The following TENM1 variants were observed in gnomAD, a reference collection of about 807,000 sequenced individuals.
TENM1 encodes the protein teneurin-1.
A neutral mutation model predicts 174.8 loss-of-function variants in TENM1; 35 were observed. The ratio of observed to expected loss-of-function variants is 0.20; its 90% CI spans 0.15 to 0.27. The LOEUF is 0.27. Ranked by LOEUF, TENM1 falls within the 10% of genes least tolerant of loss-of-function variation. The probability of loss-of-function intolerance (pLI) is 1.00; values close to 1 mark genes in which losing one functional copy is unlikely to be tolerated. For synonymous variants in TENM1, 781 were observed against 798.7 expected (o/e 0.98, Z 0.37); for missense variants, 1,633 against 2,130.1 (o/e 0.77, Z 4.59).
intron 1 of TENM1, among the ~76,000 whole-genome samples, chrX:124,906,778 A>G (rs2057755813): frequency 8.9e-6 from 1 of 111,998 alleles, no homozygotes; most frequent in Non-Finnish European, 1.9e-5. Flanking sequence ...ATAAACAAAT[A>G]TCAAGATAAT....
chrX:125,131,396 A>C, the TENM1 span, among the ~76,000 whole-genome samples: 1 of 112,219 alleles, frequency 8.9e-6, no homozygotes, highest in Non-Finnish European at 1.9e-5. Flanking sequence ...CTGCTCTACC[A>C]GGTCAAAATT....
chrX:124,610,412 T>C (rs1288552574), intron 11 of TENM1, among the ~76,000 whole-genome samples: 5 of 112,210 alleles, frequency 4.5e-5, no homozygotes, highest in Non-Finnish European at 7.5e-5. Context: ...TTTCACTGCC[T>C]TTGGAATCTA....
the TENM1 span, among the ~76,000 whole-genome samples, chrX:125,152,252 TA>T: frequency 0.032 from 3,135 of 97,577 alleles, 118 homozygotes; most frequent in African/African-American, 0.099. Context: ...TTTGTATTTT[TA>T]AAAAAAAAAA....
intron 6 of TENM1, 69 bp downstream of exon 9, chrX:124,671,614 C>G: frequency 9.6e-7 from 1 of 1,042,848 alleles, no homozygotes; most frequent in Non-Finnish European, 1.3e-6. Flanking sequence ...GTGAAACCAT[C>G]CCAGCTACAG....
At chrX:124,462,839 G>A in intron 22 of TENM1, among the ~76,000 whole-genome samples, 1 of 111,813 alleles carries the variant, frequency 8.9e-6, no homozygotes, top group Non-Finnish European at 1.9e-5. Context: ...AAGCATGCCA[G>A]GAGGCCAAGA....
At chrX:125,121,035 C>T in the TENM1 span, among the ~76,000 whole-genome samples, 13 of 111,522 alleles carry the variant, frequency 1.2e-4, no homozygotes, top group Non-Finnish European at 2.1e-4. Flanking sequence ...AAGCACATTT[C>T]TTAATAGATA....
the TENM1 span, among the ~76,000 whole-genome samples, chrX:125,050,450 T>C: frequency 9.0e-6 from 1 of 110,503 alleles, no homozygotes; most frequent in African/African-American, 3.3e-5. Context: ...CTGAGAATGA[T>C]GGTTTCCAGC....
intron 14 of TENM1, among the ~76,000 whole-genome samples, chrX:124,561,049 C>G (rs1279909046): frequency 9.0e-6 from 1 of 111,336 alleles, no homozygotes; most frequent in African/African-American, 3.3e-5. Flanking sequence ...ATTTAAAATT[C>G]TACCATAAAT....
intron 4 of TENM1, among the ~76,000 whole-genome samples, chrX:124,722,414 C>T (rs780926618): frequency 4.5e-5 from 5 of 111,142 alleles, no homozygotes; most frequent in East Asian, 2.8e-4. Context: ...TGCTTGCCCT[C>T]GGAAATATGA....
At chrX:124,820,038 C>T (rs1034625014) in intron 3 of TENM1, among the ~76,000 whole-genome samples, 7 of 110,626 alleles carry the variant, frequency 6.3e-5, no homozygotes, top group East Asian at 2.9e-4. Flanking sequence ...CCACCTACCT[C>T]GGCCTCCCAA....
chrX:125,048,512 CA>C, the TENM1 span, among the ~76,000 whole-genome samples: 1 of 110,842 alleles, frequency 9.0e-6, no homozygotes, highest in African/African-American at 3.3e-5. Flanking sequence ...ATAGAATATA[CA>C]ATGATGCAAA....
chrX:124,954,133 T>C (rs1481398161), intron 1 of TENM1, among the ~76,000 whole-genome samples: 1 of 112,359 alleles, frequency 8.9e-6, no homozygotes, highest in African/African-American at 3.2e-5. Context: ...TTTCATAAAG[T>C]TAATTTAAGA....
At chrX:124,461,344 A>G (rs910032882) in intron 22 of TENM1, among the ~76,000 whole-genome samples, 1 of 112,023 alleles carries the variant, frequency 8.9e-6, no homozygotes, top group African/African-American at 3.2e-5. Context: ...AGGTCCCTCA[A>G]AAAACTAAAA....
the TENM1 span, among the ~76,000 whole-genome samples, chrX:125,086,115 C>T: frequency 5.4e-5 from 6 of 110,382 alleles, no homozygotes; most frequent in Non-Finnish European, 3.8e-5. Flanking sequence ...TGATTATTTT[C>T]CCCTTTGCTT....
the TENM1 span, among the ~76,000 whole-genome samples, chrX:125,175,756 G>A: frequency 7.3e-5 from 8 of 110,307 alleles, no homozygotes; most frequent in Non-Finnish European, 1.1e-4. Context: ...ATAAGGGGAG[G>A]CGAAAAAGGG....
chrX:125,181,950 A>G, the TENM1 span, among the ~76,000 whole-genome samples: 2 of 112,106 alleles, frequency 1.8e-5, no homozygotes, highest in African/African-American at 6.5e-5. Flanking sequence ...AGTAAACCTC[A>G]GTGTACTAGT....
chrX:124,651,475 G>C, intron 8 of TENM1, among the ~76,000 whole-genome samples: 1 of 111,768 alleles, frequency 8.9e-6, no homozygotes, highest in Admixed American at 9.5e-5. Flanking sequence ...AAGCCCTAAT[G>C]CTTCTAGAAC....
chrX:124,976,800 T>C, the TENM1 span, among the ~76,000 whole-genome samples: 2 of 111,654 alleles, frequency 1.8e-5, no homozygotes, highest in African/African-American at 6.5e-5. Context: ...TGACTTGATG[T>C]TGTTGGGTCA....
At chrX:125,117,972 T>C in the TENM1 span, among the ~76,000 whole-genome samples, 4 of 111,653 alleles carry the variant, frequency 3.6e-5, no homozygotes, top group African/African-American at 1.3e-4. Flanking sequence ...AACCTAAGTG[T>C]CCATCAATGG....
Sources: gnomAD v4.1 joint callset for allele counts (sites outside exome capture counted in the v4.1 genomes callset) on GRCh38, gnomAD v4.1.1 for gene constraint, MANE v1.5 for transcripts, NCBI Gene and HGNC (gene_info 2026-07-23, HGNC 2026-07-21) for gene names.